NOBOX: variants seen among roughly 807,000 people sequenced by gnomAD.
NOBOX encodes the protein homeobox protein NOBOX.
NOBOX carries 46 observed loss-of-function variants against 60.2 expected under a neutral mutation model. That is an observed-to-expected ratio of 0.76 (90% confidence interval 0.60 to 0.98). The LOEUF is 0.98. Among genes scored for constraint, NOBOX ranks in the 50% least tolerant of loss-of-function variants. NOBOX has a pLI of 0.00. For synonymous variants in NOBOX, 360 were observed against 346.3 expected (o/e 1.04, Z -0.44); for missense variants, 880 against 865.5 (o/e 1.02, Z -0.21).
At chr7:144,409,883 A>T (rs1027034178) in intron 1 of NOBOX, among the ~76,000 whole-genome samples, 1 of 152,224 alleles carries the variant, frequency 6.6e-6, no homozygotes, top group Admixed American at 6.5e-5. Flanking sequence ...TAAGGTCGTA[A>T]ACCTGACAGC....
chr7:144,404,743 G>A, intron 1 of NOBOX: 2 of 1,593,542 alleles, frequency 1.3e-6, no homozygotes, highest in Non-Finnish European at 8.6e-7. Context: ...TATTCTCTGA[G>A]AATGGAAGGG....
intron 1 of NOBOX, among the ~76,000 whole-genome samples, chr7:144,408,438 C>G (rs1587099677): frequency 6.6e-6 from 1 of 152,136 alleles, no homozygotes; most frequent in Admixed American, 6.6e-5. Flanking sequence ...GTATTCTCCA[C>G]TGGATTGGGA....
At chr7:144,403,676 A>G (rs2053960425) in intron 2 of NOBOX, 1 of 641,452 alleles carries the variant, frequency 1.6e-6, no homozygotes, top group Non-Finnish European at 2.8e-6. Flanking sequence ...CCTGGCAGGG[A>G]TTCTCTGTGG....
In NOBOX at chr7:144,398,310, G is replaced by A. The variant is rs1365549881; in HGVS notation, c.1746C>T (p.Ile582=). The change falls in exon 9 of 10, where the codon ATC becomes ATT. Residue 582 remains isoleucine, a synonymous_variant. Coordinates refer to ENST00000467773, the MANE Select transcript of NOBOX (RefSeq NM_001080413.3). ...TATTCCCAGCAGGTGGTTGCATCAGGATCTGTCCTGAGGAGGCACCTGGGC... is the reference window on the plus strand; with the variant it reads ...TATTCCCAGCAGGTGGTTGCATCAGAATCTGTCCTGAGGAGGCACCTGGGC... The A allele has an allele frequency of 1.3e-6, 2 of 1,537,150 alleles. No individual in the cohort carries two copies. The highest frequency in any genetic ancestry group is 2.7e-5 in the African/African-American group (2 of 73,026).
At chr7:144,403,796 C>G (rs1587095128) in intron 2 of NOBOX, 103 bp from the exon 1 acceptor site, 1 of 317,608 alleles carries the variant, frequency 3.1e-6, no homozygotes, top group Non-Finnish European at 5.5e-6. Context: ...CCGGGCCGGG[C>G]CGGGGGAGCC....
chr7:144,399,152 G>A lies in NOBOX; in HGVS notation c.1267C>T (p.Gln423Ter). The A allele has an allele frequency of 6.4e-7, 1 of 1,566,364 alleles. No individual in the cohort carries two copies. The highest frequency in any genetic ancestry group is 8.7e-7 in the Non-Finnish European group (1 of 1,146,464). The change falls in exon 8 of 10, where the codon CAG becomes TAG. Residue 423 changes from glutamine to a stop codon, truncating the protein, a stop_gained. Coordinates refer to ENST00000467773, the MANE Select transcript of NOBOX (RefSeq NM_001080413.3). LOFTEE classifies it high-confidence loss of function. The stretch of plus-strand genomic sequence containing the variant: ...CTGGGTTGGGTGGGGGCCAAAGTCT[G>A]GTCAGAAGTCAGCAGCATGGGGGGC...
chr7:144,396,948 T>A (rs2053896728), downstream of NOBOX, among the ~76,000 whole-genome samples: 1 of 151,746 alleles, frequency 6.6e-6, no homozygotes, highest in African/African-American at 2.4e-5. Flanking sequence ...ACACTCCAGC[T>A]CATTTGTCAA....
chr7:144,401,920 G>A lies in NOBOX; in HGVS notation c.241C>T (p.Gln81Ter). The A allele has an allele frequency of 6.2e-7, 1 of 1,612,812 alleles. No homozygotes were observed. The highest frequency in any genetic ancestry group is 8.5e-7 in the Non-Finnish European group (1 of 1,178,872). ...ACCAGGGGTATGAGTTTGAGGGACT[G>A]TTCAGGTATCTCTAAGGGATCATGT... is the stretch of plus-strand genomic sequence containing the variant. Residue 81 changes from glutamine to a stop codon, truncating the protein, a stop_gained, in exon 3 of 10, where the codon CAG becomes TAG. Transcript: ENST00000467773. LOFTEE classifies it high-confidence loss of function. This position sits in a 1 kb window ranked among gnomAD's most constrained non-coding sequence, Gnocchi z 4.2.
At chr7:144,404,463 G>T in intron 2 of NOBOX, 1 of 1,087,222 alleles carries the variant, frequency 9.2e-7, no homozygotes, top group Non-Finnish European at 1.4e-6. Flanking sequence ...TGGCTAGGCT[G>T]GGCTAGAACT....
chr7:144,407,400 A>G (rs531135768), intron 1 of NOBOX, among the ~76,000 whole-genome samples: 2 of 152,386 alleles, frequency 1.3e-5, no homozygotes, highest in East Asian at 3.9e-4. Flanking sequence ...ACAGGCAGAA[A>G]TCTGCAGGGA....
At chr7:144,399,727 G>A (rs1230782699) in intron 6 of NOBOX, 30 bp downstream of exon 4, 1 of 1,551,714 alleles carries the variant, frequency 6.4e-7, no homozygotes, top group Non-Finnish European at 8.8e-7. Context: ...CTACCCACAG[G>A]GATGATACAG....
At chr7:144,398,233 C>G in intron 9 of NOBOX, 49 bp downstream of exon 7, 1 of 1,512,762 alleles carries the variant, frequency 6.6e-7, no homozygotes, top group Non-Finnish European at 8.9e-7. Flanking sequence ...TTTGTCCCCT[C>G]CCACCTTCCT....
rs1463472104 is a variant in NOBOX at position 144,397,522 on chromosome 7, G to T, written c.1794C>A (p.Asp598Glu). The T allele has an allele frequency of 2.0e-6, 3 of 1,534,186 alleles. No homozygotes were observed. Among genetic ancestry groups the T allele is most frequent in the Non-Finnish European group, 2.6e-6 (3 of 1,145,056 alleles). ...GGAAGGGCAGCTCTGGCAAACAGGG[G>T]TCACTCCAGGAGGCTGTACCTGTGG... is the stretch of plus-strand genomic sequence containing the variant. Residue 598 changes from aspartate (D) to glutamate (E), a missense_variant, in exon 10 of 10, where the codon GAC becomes GAA. Asp to Glu is a conservative substitution (Grantham distance 45). Coordinates refer to ENST00000467773, the MANE Select transcript of NOBOX (RefSeq NM_001080413.3).
chr7:144,405,547 G>A (rs1369952754), intron 1 of NOBOX, among the ~76,000 whole-genome samples: 1 of 152,168 alleles, frequency 6.6e-6, no homozygotes, highest in Non-Finnish European at 1.5e-5. Context: ...TGGGCTATGA[G>A]CTGTGGAGTT....
At chr7:144,403,466 G>A (rs535233593) in intron 2 of NOBOX, among the ~76,000 whole-genome samples, 191 bp downstream of exon 1, 117 of 151,952 alleles carry the variant, frequency 7.7e-4, no homozygotes, top group African/African-American at 2.7e-3. Context: ...AGCGGGGAGG[G>A]GGGTTGCAAT....
Position 144,398,479 on chromosome 7 carries a change from G to T in NOBOX, c.1577C>A (p.Pro526Gln). ...CTTGGGCTGAGGGGACTGGAAAAGC[G>T]GGGGCTGTGGAGCCTGGGAGAACTG... The change falls in exon 9 of 10, where the codon CCG becomes CAG. Residue 526 changes from proline (P) to glutamine (Q), a missense_variant. Coordinates refer to ENST00000467773, the MANE Select transcript of NOBOX (RefSeq NM_001080413.3). 2 of 1,537,112 alleles carry T rather than the reference G, an allele frequency of 1.3e-6. No homozygotes were observed. The highest frequency in any genetic ancestry group is 1.7e-6 in the Non-Finnish European group (2 of 1,146,854).
rs780102886 is a variant in NOBOX at position 144,400,143 on chromosome 7, G to A, written c.1014C>T (p.Leu338=). ...CCGCTGAGCGCTCACTCTGCAATTCGAGTGTTTCAATGGTGGGCCCTCCGC... is the reference window on the plus strand; with the variant it reads ...CCGCTGAGCGCTCACTCTGCAATTCAAGTGTTTCAATGGTGGGCCCTCCGC... The change falls in exon 5 of 10, where the codon CTC becomes CTT. Residue 338 remains leucine, a synonymous_variant. Transcript: ENST00000467773. 5.6e-6 allele frequency: 9 copies of A among 1,613,758 alleles called. No homozygotes were observed. Among genetic ancestry groups the A allele is most frequent in the East Asian group, 2.2e-5 (1 of 44,878 alleles).
chr7:144,402,572 C>G (rs529779172), intron 2 of NOBOX, among the ~76,000 whole-genome samples: 3 of 152,160 alleles, frequency 2.0e-5, no homozygotes, highest in South Asian at 4.1e-4. Flanking sequence ...CTGGGGCCAT[C>G]AAATGATCCC....
chr7:144,399,568 C>T, intron 6 of NOBOX, 86 bp from the exon 5 acceptor site: 1 of 1,246,518 alleles, frequency 8.0e-7, no homozygotes, highest in Non-Finnish European at 1.1e-6. Flanking sequence ...CACCAATTCC[C>T]AAACTCTGCC....
Sources: gnomAD v4.1 joint callset for allele counts (sites outside exome capture counted in the v4.1 genomes callset) on GRCh38, gnomAD v4.1.1 for gene constraint, Gnocchi (gnomAD v3.1) non-coding constraint, MANE v1.5 for transcripts, NCBI Gene and HGNC (gene_info 2026-07-23, HGNC 2026-07-21) for gene names.